Variants in GLIS1 observed in about 807,000 individuals in gnomAD.
The protein encoded by GLIS1 is GLIS family zinc finger 1, also known as zinc finger protein GLIS1.
A neutral mutation model predicts 63.8 loss-of-function variants in GLIS1; 24 were observed. That is an observed-to-expected ratio of 0.38 (90% confidence interval 0.27 to 0.53). The LOEUF is 0.53. Among genes scored for constraint, GLIS1 ranks in the 20% least tolerant of loss-of-function variants. The pLI is 0.85. For synonymous variants in GLIS1, 450 were observed against 482.5 expected, an observed-to-expected ratio of 0.93 and a Z score of 0.88; for missense variants, 1,036 against 1,074.1, an observed-to-expected ratio of 0.96 and a Z score of 0.50.
chr1:53,647,415 G>A (rs1438938109), intron 2 of GLIS1, among the ~76,000 whole-genome samples: 1 of 152,176 alleles, frequency 6.6e-6, no homozygotes, highest in Admixed American at 6.5e-5. Flanking sequence ...ATTGATTTAT[G>A]GTAAAGGTGG....
At chr1:53,516,613 G>A (rs554115500) in intron 7 of GLIS1, among the ~76,000 whole-genome samples, 1 of 151,890 alleles carries the variant, frequency 6.6e-6, no homozygotes, top group Admixed American at 6.6e-5. Context: ...ATGAATTCGA[G>A]ACCAGCCTGG....
intron 1 of GLIS1, among the ~76,000 whole-genome samples, chr1:53,738,845 G>A (rs1021017457): frequency 5.9e-5 from 9 of 152,116 alleles, no homozygotes; most frequent in African/African-American, 2.2e-4. Context: ...GGACGGACAC[G>A]CCACCCACAC....
At chr1:53,566,865 T>C (rs1644940996) in intron 4 of GLIS1, among the ~76,000 whole-genome samples, 2 of 152,234 alleles carry the variant, frequency 1.3e-5, no homozygotes. Context: ...TGTAGGTCAA[T>C]TAGACCTCTT....
At chr1:53,551,876 G>C (rs1361861918) in intron 4 of GLIS1, among the ~76,000 whole-genome samples, 1 of 151,992 alleles carries the variant, frequency 6.6e-6, no homozygotes, top group African/African-American at 2.4e-5. Flanking sequence ...GTATATGTCT[G>C]TCTCTGCCAT....
chr1:53,698,855 C>T (rs759191045), intron 2 of GLIS1, among the ~76,000 whole-genome samples: 3 of 152,156 alleles, frequency 2.0e-5, no homozygotes, highest in Non-Finnish European at 4.4e-5. Context: ...ACCCTCATCA[C>T]GAACCTGTGC....
At chr1:53,701,959 C>G (rs1557530216) in intron 2 of GLIS1, among the ~76,000 whole-genome samples, 1 of 144,430 alleles carries the variant, frequency 6.9e-6, no homozygotes, top group Non-Finnish European at 1.5e-5. Flanking sequence ...TACCACTGCA[C>G]TCTAGCCTGG....
chr1:53,509,055 G>T, intron 10 of GLIS1, 65 bp downstream of exon 10: 1 of 1,433,990 alleles, frequency 7.0e-7, no homozygotes, highest in Non-Finnish European at 9.4e-7. Flanking sequence ...CACGTATGCA[G>T]CACCCAGCAC....
At chr1:53,658,401 A>C (rs1645989821) in intron 2 of GLIS1, among the ~76,000 whole-genome samples, 1 of 152,220 alleles carries the variant, frequency 6.6e-6, no homozygotes, top group Non-Finnish European at 1.5e-5. Flanking sequence ...TTTATTGAAT[A>C]CGTTAATGAA....
At chr1:53,588,163 T>C (rs1048426720) in intron 4 of GLIS1, among the ~76,000 whole-genome samples, 2 of 152,256 alleles carry the variant, frequency 1.3e-5, no homozygotes, top group East Asian at 3.9e-4. Flanking sequence ...CTGGCCAAGC[T>C]TATAAAGCCA....
intron 2 of GLIS1, among the ~76,000 whole-genome samples, chr1:53,633,805 G>A (rs1350543383): frequency 6.6e-6 from 1 of 152,100 alleles, no homozygotes; most frequent in African/African-American, 2.4e-5. Flanking sequence ...ATGTCTCGGC[G>A]TGGGGGGGAT....
At chr1:53,552,361 A>T (rs1413287264) in intron 4 of GLIS1, among the ~76,000 whole-genome samples, 1 of 152,008 alleles carries the variant, frequency 6.6e-6, no homozygotes, top group African/African-American at 2.4e-5. Flanking sequence ...AGCATGGCCC[A>T]GGTGGCAGGC....
At chr1:53,695,671 G>A (rs1341124836) in intron 2 of GLIS1, among the ~76,000 whole-genome samples, 1 of 152,216 alleles carries the variant, frequency 6.6e-6, no homozygotes, top group Non-Finnish European at 1.5e-5. Context: ...CGGGGTGGTA[G>A]ACAAGAGCTT....
intron 2 of GLIS1, among the ~76,000 whole-genome samples, chr1:53,717,233 A>C (rs1260473961): frequency 6.6e-6 from 1 of 152,224 alleles, no homozygotes; most frequent in Non-Finnish European, 1.5e-5. Flanking sequence ...AAATGGGCAT[A>C]ATAATAATCT....
rs1644871246 is a variant in GLIS1 at position 53,560,148 on chromosome 1, G to T, written c.1321-30196C>A. Among the ~76,000 whole-genome samples, 1 of 152,222 alleles carries T rather than the reference G, an allele frequency of 6.6e-6. No individual in the cohort carries two copies. Among genetic ancestry groups the T allele is most frequent in the Admixed American group, 6.5e-5 (1 of 15,290 alleles). On this transcript the variant is annotated intron_variant, in intron 4 of 10. Coordinates refer to ENST00000628545, the MANE Select transcript of GLIS1 (RefSeq NM_001367484.1). The surrounding 1 kb of genome is among the most constrained non-coding windows in gnomAD (Gnocchi z 4.4). Reference sequence around the variant, plus strand: ...TAACCAGGACTCTGCTGTGGGCAGGGACTGCCTCCTTGATGAAGATACAGA... The same window carrying T: ...TAACCAGGACTCTGCTGTGGGCAGGTACTGCCTCCTTGATGAAGATACAGA...
intron 2 of GLIS1, among the ~76,000 whole-genome samples, chr1:53,649,531 A>T (rs1645883905): frequency 6.6e-6 from 1 of 152,232 alleles, no homozygotes. Flanking sequence ...AACTTTGAAT[A>T]ACACCATAGG....
chr1:53,727,788 CTTAT>C (rs1646820319), intron 2 of GLIS1, among the ~76,000 whole-genome samples: 1 of 152,144 alleles, frequency 6.6e-6, no homozygotes, highest in Admixed American at 6.5e-5. Flanking sequence ...AGGGGCAGAC[CTTAT>C]TTTGAAGAGC....
intron 2 of GLIS1, among the ~76,000 whole-genome samples, chr1:53,620,528 T>C (rs3006900): frequency 6.6e-6 from 1 of 152,236 alleles, no homozygotes; most frequent in African/African-American, 2.4e-5. Flanking sequence ...CAGTGTTTGG[T>C]ACTAGTCAAC....
intron 2 of GLIS1, among the ~76,000 whole-genome samples, chr1:53,657,932 C>T (rs1346633218): frequency 6.6e-6 from 1 of 152,164 alleles, no homozygotes; most frequent in Non-Finnish European, 1.5e-5. Flanking sequence ...GCCTCATCCT[C>T]TCAGCCTGGG....
intron 2 of GLIS1, among the ~76,000 whole-genome samples, chr1:53,659,806 C>A (rs1180160331): frequency 1.3e-5 from 2 of 152,206 alleles, no homozygotes; most frequent in Admixed American, 6.5e-5. Context: ...ACAGATCCCA[C>A]CTCAGTGGGT....
Sources: gnomAD v4.1 joint callset for allele counts (sites outside exome capture counted in the v4.1 genomes callset) on GRCh38, gnomAD v4.1.1 for gene constraint, Gnocchi (gnomAD v3.1) non-coding constraint, MANE v1.5 for transcripts, NCBI Gene and HGNC (gene_info 2026-07-23, HGNC 2026-07-21) for gene names.